The following BRIP1 variants were observed in gnomAD, a reference collection of about 807,000 sequenced individuals.
The protein encoded by BRIP1 is Fanconi anemia group J protein.
Under a neutral mutation model 119.7 loss-of-function variants are expected in BRIP1, and 88 were observed. The ratio of observed to expected loss-of-function variants is 0.74; its 90% CI spans 0.62 to 0.88. The LOEUF is 0.88. BRIP1 is among the 40% of genes least tolerant of loss of function. The pLI is 0.00. For missense variants in BRIP1, 1,259 were observed against 1,455.4 expected, an observed-to-expected ratio of 0.87 and a Z score of 2.20; for synonymous variants, 443 against 496.5, an observed-to-expected ratio of 0.89 and a Z score of 1.43.
intron 16 of BRIP1, 71 bp from the exon 17 acceptor site, chr17:61,716,134 C>T: frequency 1.0e-6 from 1 of 961,960 alleles, no homozygotes; most frequent in Non-Finnish European, 1.5e-6. Context: ...ATATTAACTT[C>T]TAACAGTTTG....
rs981347195 is a variant in BRIP1, at chr17:61,701,836, G to A, written c.2493-8324C>T. On this transcript the variant is annotated intron_variant, in intron 17 of 19. Coordinates refer to ENST00000259008, the MANE Select transcript of BRIP1 (RefSeq NM_032043.3). This position sits in a 1 kb window ranked among gnomAD's most constrained non-coding sequence, Gnocchi z 5.1. ...TAGCCTTGTGAGTGGGGTCTTCCAG[G>A]AAACTCCCAGGTAGGTCACATAATT... Among the ~76,000 whole-genome samples, 2 of 152,168 alleles carry A rather than the reference G, an allele frequency of 1.3e-5. No homozygotes were observed. Among genetic ancestry groups the A allele is most frequent in the Non-Finnish European group, 2.9e-5 (2 of 68,024 alleles).
chr17:61,748,227 G>A lies in BRIP1; in HGVS notation c.2098-3636C>T, dbSNP rs916377713. ...ACACTATTGTGAACTGTGCTTGCAA[G>A]GGATCTAGGTTATATGCTCCTTATG... On this transcript the variant is annotated intron_variant, in intron 14 of 19. Transcript: ENST00000259008. The surrounding 1 kb of genome is among the most constrained non-coding windows in gnomAD (Gnocchi z 4.7). Among the ~76,000 whole-genome samples, 7 of 152,174 alleles carry A rather than the reference G, an allele frequency of 4.6e-5. No homozygotes were observed. The highest frequency in any genetic ancestry group is 8.8e-5 in the Non-Finnish European group (6 of 68,010).
rs906852748 is a variant in BRIP1, at chr17:61,822,832, C to T, written c.628-14075G>A. ...ACAAGTTTTCAGTTTAAAGGTGGGACGGTTCCAAATGACAACGAAGTCCCA... is the reference window on the plus strand; with the variant it reads ...ACAAGTTTTCAGTTTAAAGGTGGGATGGTTCCAAATGACAACGAAGTCCCA... On this transcript the variant is annotated intron_variant, in intron 6 of 19. Transcript: ENST00000259008. This position sits in a 1 kb window ranked among gnomAD's most constrained non-coding sequence, Gnocchi z 4.4. 6.6e-6 allele frequency among the ~76,000 whole-genome samples: 1 copy of T among 151,622 alleles called. No individual in the cohort carries two copies. Among genetic ancestry groups the T allele is most frequent in the Non-Finnish European group, 1.5e-5 (1 of 67,962 alleles).
rs905271164 is a variant in BRIP1 at position 61,761,852 on chromosome 17, C to A, written c.2097+14549G>T. Among the ~76,000 whole-genome samples the A allele has an allele frequency of 3.9e-5, 6 of 151,980 alleles. No homozygotes were observed. The highest frequency in any genetic ancestry group is 1.4e-4 in the African/African-American group (6 of 41,398). ...TATTACCCAAAGTGACATATTGATT[C>A]AATGTAATCTCTATCAAAATTCCAA... On this transcript the variant is annotated intron_variant, in intron 14 of 19. Transcript: ENST00000259008. The surrounding 1 kb of genome is among the most constrained non-coding windows in gnomAD (Gnocchi z 6.4).
chr17:61,787,353 ATATT>A (rs1421646295), intron 10 of BRIP1, among the ~76,000 whole-genome samples: 15 of 128,006 alleles, frequency 1.2e-4, no homozygotes, highest in African/African-American at 4.5e-4. Flanking sequence ...AAAACATTAT[ATATT>A]AATATATTAT....
rs946358627 is a variant in BRIP1, at chr17:61,705,308, A to C, written c.2492+10643T>G. On this transcript the variant is annotated intron_variant, in intron 17 of 19. Coordinates refer to ENST00000259008, the MANE Select transcript of BRIP1 (RefSeq NM_032043.3). The surrounding 1 kb of genome is among the most constrained non-coding windows in gnomAD (Gnocchi z 5.0). ...ATGGCTGTGCAGTATTCCACGGTGTATATGTACCACATTTTCTTTATCTAG... is the reference window on the plus strand; with the variant it reads ...ATGGCTGTGCAGTATTCCACGGTGTCTATGTACCACATTTTCTTTATCTAG... 6.6e-6 allele frequency among the ~76,000 whole-genome samples: 1 copy of C among 152,114 alleles called. No individual in the cohort carries two copies. The highest frequency in any genetic ancestry group is 1.5e-5 in the Non-Finnish European group (1 of 68,016).
chr17:61,756,268 T>A lies in BRIP1; in HGVS notation c.2098-11677A>T, dbSNP rs1352973414. On this transcript the variant is annotated intron_variant, in intron 14 of 19. Coordinates refer to ENST00000259008, the MANE Select transcript of BRIP1 (RefSeq NM_032043.3). The surrounding 1 kb of genome is among the most constrained non-coding windows in gnomAD (Gnocchi z 4.3). ...TCACATAAATAAACACAAAAATAAC[T>A]CAATTGTTAAATTCTCTTAGGTATC... Among the ~76,000 whole-genome samples, 2 of 152,150 alleles carry A rather than the reference T, an allele frequency of 1.3e-5. No individual in the cohort carries two copies. Among genetic ancestry groups the A allele is most frequent in the African/African-American group, 4.8e-5 (2 of 41,434 alleles).
chr17:61,812,564 G>T (rs2078178624), intron 6 of BRIP1, among the ~76,000 whole-genome samples: 1 of 147,434 alleles, frequency 6.8e-6, no homozygotes, highest in Admixed American at 6.8e-5. Context: ...GAAAAGGCAA[G>T]AAAACCCAAC....
Position 61,786,194 on chromosome 17 carries a change from G to A in BRIP1, c.1474-1770C>T, listed in dbSNP as rs1451971623. ...AAGGAAGAAGAGAGAGCGCATGAGT[G>A]AGCGTGTGTGTGTGTGTGTGACAGA... On this transcript the variant is annotated intron_variant, in intron 10 of 19. Transcript: ENST00000259008. Among the ~76,000 whole-genome samples the A allele has an allele frequency of 3.3e-5, 5 of 152,038 alleles. No homozygotes were observed. In the East Asian group the frequency reaches 9.7e-4, roughly 29 times the overall value.
At chr17:61,750,371 T>C (rs2077115547) in intron 14 of BRIP1, among the ~76,000 whole-genome samples, 2 of 152,298 alleles carry the variant, frequency 1.3e-5, no homozygotes, top group Non-Finnish European at 1.5e-5. Flanking sequence ...TAACTCAACA[T>C]TGGTCAAAGA....
In BRIP1 at chr17:61,693,410, A is replaced by G; in HGVS notation, c.2575+20T>C. 6.3e-7 allele frequency: 1 copy of G among 1,596,958 alleles called. No homozygotes were observed. Among genetic ancestry groups the G allele is most frequent in the Non-Finnish European group, 8.6e-7 (1 of 1,164,454 alleles). ...GAAGATTGTTACTAGTTTTTACTCT[A>G]AGCCCAGCTGAGATCTTACCAGATA... On this transcript the variant is annotated intron_variant, in intron 18 of 19. Coordinates refer to ENST00000259008, the MANE Select transcript of BRIP1 (RefSeq NM_032043.3). This position sits in a 1 kb window ranked among gnomAD's most constrained non-coding sequence, Gnocchi z 4.2.
In BRIP1 at chr17:61,845,635, G is replaced by T. The variant is rs1362023385; in HGVS notation, c.627+1466C>A. Among the ~76,000 whole-genome samples, 2 of 152,176 alleles carry T rather than the reference G, an allele frequency of 1.3e-5. No homozygotes were observed. The highest frequency in any genetic ancestry group is 1.9e-4 in the East Asian group (1 of 5,184). On this transcript the variant is annotated intron_variant, in intron 6 of 19. Transcript: ENST00000259008. This position sits in a 1 kb window ranked among gnomAD's most constrained non-coding sequence, Gnocchi z 4.2. ...CATTTTATCATAAAGAATTACCATG[G>T]TTAGTATATCATTCACTCTTTTTCA...
rs1346610666 is a variant in BRIP1 at position 61,856,267 on chromosome 17, C to T, written c.379+791G>A. 1.3e-5 allele frequency among the ~76,000 whole-genome samples: 2 copies of T among 152,186 alleles called. No homozygotes were observed. Among genetic ancestry groups the T allele is most frequent in the African/African-American group, 4.8e-5 (2 of 41,448 alleles). Reference sequence around the variant, plus strand: ...TGCTTTAGAGGAAGCTGACTCCATCCTTGATTTTAGGAAATGGATACTCTT... The same window carrying T: ...TGCTTTAGAGGAAGCTGACTCCATCTTTGATTTTAGGAAATGGATACTCTT... On this transcript the variant is annotated intron_variant, in intron 4 of 19. Transcript: ENST00000259008. This position sits in a 1 kb window ranked among gnomAD's most constrained non-coding sequence, Gnocchi z 5.1.
At position 61,681,887 on chromosome 17, in the gene BRIP1, A is replaced by G. The variant is rs554933640; in HGVS notation, c.*1409T>C. On this transcript the variant is annotated 3_prime_UTR_variant, in exon 20 of 20. Coordinates refer to ENST00000259008, the MANE Select transcript of BRIP1 (RefSeq NM_032043.3). This position sits in a 1 kb window ranked among gnomAD's most constrained non-coding sequence, Gnocchi z 5.1. ...AAGTAAATCCTTACTGGAAATTTTG[A>G]CTTGAAAATAATAGACCATACAGAA... 5.0e-6 allele frequency: 1 copy of G among 198,696 alleles called. No homozygotes were observed. Among genetic ancestry groups the G allele is most frequent in the African/African-American group, 2.3e-5 (1 of 43,490 alleles). The allele number at this position is 198,696 out of a possible 1,614,324, so 12.3% of individuals were successfully genotyped here. A position where few individuals can be genotyped will look rare whatever the true frequency, so the allele number is the denominator to read the frequency against.
At chr17:61,719,186 C>T (rs997445955) in intron 16 of BRIP1, among the ~76,000 whole-genome samples, 1 of 148,514 alleles carries the variant, frequency 6.7e-6, no homozygotes, top group Non-Finnish European at 1.5e-5. Context: ...GCCCCCCCCC[C>T]ATGTTTATTG....
chr17:61,707,347 A>C (rs2061705695), intron 17 of BRIP1, among the ~76,000 whole-genome samples: 2 of 151,588 alleles, frequency 1.3e-5, no homozygotes, highest in East Asian at 3.9e-4. Context: ...TATCCCCGGT[A>C]CTTGGAAAGG....
chr17:61,848,594 T>A lies in BRIP1; in HGVS notation c.507+535A>T, dbSNP rs142386105. 6.6e-6 allele frequency among the ~76,000 whole-genome samples: 1 copy of A among 152,202 alleles called. No individual in the cohort carries two copies. ...CACTGCCATGAATTCTGAGAAAATATTGTGTTCATCTGCATCCAAATTTCA... is the reference window on the plus strand; with the variant it reads ...CACTGCCATGAATTCTGAGAAAATAATGTGTTCATCTGCATCCAAATTTCA... On this transcript the variant is annotated intron_variant, in intron 5 of 19. Coordinates refer to ENST00000259008, the MANE Select transcript of BRIP1 (RefSeq NM_032043.3). This position sits in a 1 kb window ranked among gnomAD's most constrained non-coding sequence, Gnocchi z 4.3.
At position 61,729,778 on chromosome 17, in the gene BRIP1, C is replaced by T. The variant is rs1269686883; in HGVS notation, c.2379+13235G>A. Among the ~76,000 whole-genome samples the T allele has an allele frequency of 6.6e-6, 1 of 152,070 alleles. No individual in the cohort carries two copies. Among genetic ancestry groups the T allele is most frequent in the South Asian group, 2.1e-4 (1 of 4,824 alleles). On this transcript the variant is annotated intron_variant, in intron 16 of 19. Transcript: ENST00000259008. This position sits in a 1 kb window ranked among gnomAD's most constrained non-coding sequence, Gnocchi z 5.6. ...CCTCACTATGTAAAACAGTGGTGCT[C>T]AACCGAGAGCAATTTTGCCAACCAG...
Position 61,738,163 on chromosome 17 carries a change from A to G in BRIP1, c.2379+4850T>C, listed in dbSNP as rs1291930860. Among the ~76,000 whole-genome samples the G allele has an allele frequency of 6.6e-6, 1 of 152,186 alleles. No individual in the cohort carries two copies. The highest frequency in any genetic ancestry group is 6.5e-5 in the Admixed American group (1 of 15,280). ...AGCTGAGCCCAGCTAAAATCGAGAG[A>G]GCCAACCAACCAAGCCCAAGCCTAG... On this transcript the variant is annotated intron_variant, in intron 16 of 19. Coordinates refer to ENST00000259008, the MANE Select transcript of BRIP1 (RefSeq NM_032043.3). This position sits in a 1 kb window ranked among gnomAD's most constrained non-coding sequence, Gnocchi z 4.2.
Sources: gnomAD v4.1 joint callset for allele counts (sites outside exome capture counted in the v4.1 genomes callset) on GRCh38, gnomAD v4.1.1 for gene constraint, Gnocchi (gnomAD v3.1) non-coding constraint, MANE v1.5 for transcripts, NCBI Gene and HGNC (gene_info 2026-07-23, HGNC 2026-07-21) for gene names.